Variants in CDH18 observed in about 807,000 individuals in gnomAD.
The protein encoded by CDH18 is cadherin 18.
In CDH18, 31 loss-of-function variants were observed where a neutral mutation model predicts 67.9. The ratio of observed to expected loss-of-function variants is 0.46; its 90% CI spans 0.34 to 0.62. CDH18 has a LOEUF of 0.62. Among genes scored for constraint, CDH18 ranks in the 20% least tolerant of loss-of-function variants. The pLI is 0.01. For synonymous variants in CDH18, 362 were observed against 347.2 expected (o/e 1.04, Z -0.48); for missense variants, 890 against 975.5 (o/e 0.91, Z 1.17).
At chr5:20,525,481 C>T (rs1360577434) in intron 1 of CDH18, among the ~76,000 whole-genome samples, 1 of 152,082 alleles carries the variant, frequency 6.6e-6, no homozygotes, top group Non-Finnish European at 1.5e-5. Context: ...GACACTTATT[C>T]CTCCCAACTA....
At chr5:20,459,688 G>C (rs1208644774) in intron 1 of CDH18, among the ~76,000 whole-genome samples, 1 of 152,146 alleles carries the variant, frequency 6.6e-6, no homozygotes, top group Non-Finnish European at 1.5e-5. Flanking sequence ...TTTCCTCTTT[G>C]TGCCAACAGT....
At chr5:20,188,479 GTCA>G (rs938718899) in intron 2 of CDH18, among the ~76,000 whole-genome samples, 3 of 151,834 alleles carry the variant, frequency 2.0e-5, no homozygotes, top group South Asian at 2.1e-4. Flanking sequence ...TATAATTGTT[GTCA>G]TCATCATCAT....
At chr5:19,935,486 A>G (rs1794138209) in intron 2 of CDH18, among the ~76,000 whole-genome samples, 1 of 151,248 alleles carries the variant, frequency 6.6e-6, no homozygotes, top group African/African-American at 2.4e-5. Context: ...TTGTATAGCA[A>G]TTTCCCATAG....
intron 1 of CDH18, among the ~76,000 whole-genome samples, chr5:20,390,323 G>T (rs1744729456): frequency 6.6e-6 from 1 of 152,126 alleles, no homozygotes; most frequent in Admixed American, 6.5e-5. Context: ...CAAAAAGTAG[G>T]CAAAGGATAT....
intron 3 of CDH18, among the ~76,000 whole-genome samples, chr5:19,772,696 T>C (rs763238364): frequency 1.1e-4 from 16 of 152,182 alleles, no homozygotes; most frequent in Non-Finnish European, 2.2e-4. Context: ...TATTTTTAAA[T>C]TAAGAAACTG....
chr5:20,227,252 C>G (rs1291547446), intron 2 of CDH18, among the ~76,000 whole-genome samples: 1 of 152,052 alleles, frequency 6.6e-6, no homozygotes, highest in Non-Finnish European at 1.5e-5. Context: ...GAGGAGGGTC[C>G]ATCTGAAAAT....
At chr5:19,484,533 C>G (rs186032406) in intron 11 of CDH18, among the ~76,000 whole-genome samples, 34 of 152,314 alleles carry the variant, frequency 2.2e-4, no homozygotes, top group African/African-American at 8.2e-4. Flanking sequence ...ATGTACTGTT[C>G]AGATCCCTTC....
intron 1 of CDH18, among the ~76,000 whole-genome samples, chr5:20,285,668 G>A (rs1746646451): frequency 6.6e-6 from 1 of 151,272 alleles, no homozygotes; most frequent in Non-Finnish European, 1.5e-5. Flanking sequence ...CCAGTTGCTT[G>A]TAAATCACAT....
At chr5:20,390,035 C>T (rs1285666996) in intron 1 of CDH18, among the ~76,000 whole-genome samples, 5 of 152,104 alleles carry the variant, frequency 3.3e-5, no homozygotes, top group Admixed American at 6.6e-5. Context: ...CATAAAAACC[C>T]TAGAAGAAAA....
chr5:20,510,931 C>T (rs60431648), intron 1 of CDH18, among the ~76,000 whole-genome samples: 27,071 of 152,002 alleles, frequency 0.18, 2,922 homozygotes, highest in East Asian at 0.39. Context: ...ACCGATGTTG[C>T]CGATAAATAT....
At chr5:20,384,558 T>A (rs1744165115) in intron 1 of CDH18, among the ~76,000 whole-genome samples, 1 of 152,200 alleles carries the variant, frequency 6.6e-6, no homozygotes, top group Non-Finnish European at 1.5e-5. Flanking sequence ...GAAGTGCAAA[T>A]ACCTCTTTGA....
chr5:20,323,008 G>A (rs1041443605), intron 1 of CDH18, among the ~76,000 whole-genome samples: 1 of 151,946 alleles, frequency 6.6e-6, no homozygotes, highest in Non-Finnish European at 1.5e-5. Flanking sequence ...AATGGAATAG[G>A]TTTTAAAAAA....
intron 2 of CDH18, among the ~76,000 whole-genome samples, chr5:20,122,991 T>C (rs1430805835): frequency 6.7e-6 from 1 of 148,284 alleles, no homozygotes; most frequent in African/African-American, 2.4e-5. Flanking sequence ...TGTAACCTCC[T>C]CTAAATTTAA....
In CDH18 at chr5:20,361,345, G is replaced by A. The variant is rs192526027; in HGVS notation, c.-579-105840C>T. Among the ~76,000 whole-genome samples the A allele has an allele frequency of 3.3e-4, 50 of 152,068 alleles. No individual in the cohort carries two copies. In the South Asian group the frequency reaches 8.5e-3, roughly 26 times the overall value. On this transcript the variant is annotated intron_variant, in intron 1 of 14. Transcript: ENST00000507958. ...AGCTATTAAACAGTGATTTAAGCGAGAGAAGTCATTTTATACTAAAAAAAG... is the reference window on the plus strand; with the variant it reads ...AGCTATTAAACAGTGATTTAAGCGAAAGAAGTCATTTTATACTAAAAAAAG...
rs1010114307 is a variant in CDH18 at position 20,263,820 on chromosome 5, C to T, written c.-579-8315G>A. On this transcript the variant is annotated intron_variant, in intron 1 of 14. Coordinates refer to the CDH18 transcript ENST00000507958. The stretch of plus-strand genomic sequence containing the variant: ...CTGAAAAAGGATTTTAAAATGCCTC[C>T]CTTTTCAACTACATGTATGAATAAA... 2.4e-4 allele frequency among the ~76,000 whole-genome samples: 36 copies of T among 151,972 alleles called. 1 individual carries two copies. Among genetic ancestry groups the T allele is most frequent in the Admixed American group, 2.2e-3 (33 of 15,248 alleles).
intron 1 of CDH18, among the ~76,000 whole-genome samples, chr5:20,293,794 A>G (rs768112275): frequency 8.5e-5 from 13 of 152,210 alleles, no homozygotes; most frequent in Non-Finnish European, 1.6e-4. Flanking sequence ...TCTATTATAC[A>G]AATAGTGTAT....
intron 1 of CDH18, among the ~76,000 whole-genome samples, chr5:20,348,881 C>T (rs1740925194): frequency 6.6e-6 from 1 of 152,134 alleles, no homozygotes; most frequent in African/African-American, 2.4e-5. Context: ...ACCTTTTGTG[C>T]AAGCCCTAAA....
intron 1 of CDH18, among the ~76,000 whole-genome samples, chr5:20,556,780 A>C (rs1291794499): frequency 6.6e-6 from 1 of 152,174 alleles, no homozygotes; most frequent in African/African-American, 2.4e-5. Context: ...AATTAATCTA[A>C]GAATGAAGGA....
At chr5:20,410,904 A>C (rs190023985) in intron 1 of CDH18, among the ~76,000 whole-genome samples, 152 of 152,014 alleles carry the variant, frequency 1.0e-3, no homozygotes, top group South Asian at 1.9e-3. Flanking sequence ...AAAGAGGCAA[A>C]AATCTTATCC....
Sources: allele counts gnomAD v4.1 joint callset (sites outside exome capture counted in the v4.1 genomes callset), GRCh38; gene constraint gnomAD v4.1.1; transcripts MANE v1.5; gene names NCBI Gene and HGNC (gene_info 2026-07-23, HGNC 2026-07-21).